Variants in NTM observed in about 807,000 individuals in gnomAD.
The protein encoded by NTM is neurotrimin.
In NTM, 13 loss-of-function variants were observed where a neutral mutation model predicts 42.1. The ratio of observed to expected loss-of-function variants is 0.31; its 90% CI spans 0.20 to 0.49. The LOEUF is 0.49. Ranked by LOEUF, NTM falls within the 20% of genes least tolerant of loss-of-function variation. The probability of loss-of-function intolerance (pLI) is 0.99; values close to 1 mark genes in which losing one functional copy is unlikely to be tolerated. For synonymous variants in NTM, 187 were observed against 179.2 expected, an observed-to-expected ratio of 1.04 and a Z score of -0.35; for missense variants, 373 against 452.8, an observed-to-expected ratio of 0.82 and a Z score of 1.60.
At chr11:131,527,475 A>T (rs566909289) in intron 1 of NTM, among the ~76,000 whole-genome samples, 1 of 152,142 alleles carries the variant, frequency 6.6e-6, no homozygotes, top group South Asian at 2.1e-4. Flanking sequence ...GTTTCCTGGC[A>T]TACTCTTACC....
chr11:131,733,463 TTTC>T (rs2079961977), intron 1 of NTM, among the ~76,000 whole-genome samples: 3 of 112,668 alleles, frequency 2.7e-5, no homozygotes, highest in African/African-American at 1.1e-4. Context: ...TCCTTCCTTC[TTTC>T]CTTCCTTCCT....
intron 1 of NTM, among the ~76,000 whole-genome samples, chr11:131,582,892 G>A (rs1026182569): frequency 2.0e-5 from 3 of 152,056 alleles, no homozygotes; most frequent in African/African-American, 7.3e-5. Context: ...ATCCCGCTCT[G>A]TCTGCCATCC....
At chr11:132,223,654 C>T (rs990440732) in intron 4 of NTM, among the ~76,000 whole-genome samples, 7 of 152,208 alleles carry the variant, frequency 4.6e-5, no homozygotes, top group African/African-American at 1.2e-4. Flanking sequence ...ACCAATTTGC[C>T]TCTCAAATCA....
chr11:131,596,234 G>A (rs1246585033), intron 1 of NTM, among the ~76,000 whole-genome samples: 6 of 152,148 alleles, frequency 3.9e-5, no homozygotes, highest in Non-Finnish European at 8.8e-5. Context: ...TCTTCAGTTC[G>A]ATCTAATGTC....
At chr11:131,550,302 T>C (rs1346199868) in intron 1 of NTM, among the ~76,000 whole-genome samples, 1 of 152,020 alleles carries the variant, frequency 6.6e-6, no homozygotes, top group Non-Finnish European at 1.5e-5. Flanking sequence ...AAAAATTAGC[T>C]GAGTGTGGTG....
At chr11:131,516,508 G>A (rs1381064661) in intron 1 of NTM, among the ~76,000 whole-genome samples, 1 of 152,180 alleles carries the variant, frequency 6.6e-6, no homozygotes, top group African/African-American at 2.4e-5. Context: ...CTCCCAAGTA[G>A]CTGGGAATAC....
intron 1 of NTM, among the ~76,000 whole-genome samples, chr11:131,666,885 T>C (rs888593078): frequency 2.6e-5 from 4 of 152,208 alleles, no homozygotes; most frequent in African/African-American, 7.2e-5. Flanking sequence ...AGCTGAGCTA[T>C]TGATCTGTGG....
At chr11:131,401,240 G>T (rs995106462) in intron 1 of NTM, among the ~76,000 whole-genome samples, 15 of 152,104 alleles carry the variant, frequency 9.9e-5, no homozygotes, top group African/African-American at 3.1e-4. Flanking sequence ...AGGTCATCTA[G>T]CTCATCCCAC....
chr11:131,804,862 A>T (rs1434698106), intron 1 of NTM, among the ~76,000 whole-genome samples: 1 of 152,070 alleles, frequency 6.6e-6, no homozygotes, highest in Non-Finnish European at 1.5e-5. Flanking sequence ...AAAGGGCTGG[A>T]GGGAAGTAGT....
At chr11:132,068,006 C>T (rs144507573) in intron 2 of NTM, among the ~76,000 whole-genome samples, 25 of 152,162 alleles carry the variant, frequency 1.6e-4, no homozygotes, top group Non-Finnish European at 1.5e-5. Flanking sequence ...TATTATTAGA[C>T]AAAAGGGTCC....
At chr11:132,248,303 A>AT (rs1005589423) in intron 4 of NTM, among the ~76,000 whole-genome samples, 3 of 151,846 alleles carry the variant, frequency 2.0e-5, no homozygotes, top group Non-Finnish European at 4.4e-5. Context: ...AACAATGGCA[A>AT]TTTTTTTCCC....
chr11:131,920,052 G>A (rs1037296251), intron 2 of NTM, among the ~76,000 whole-genome samples: 1 of 152,166 alleles, frequency 6.6e-6, no homozygotes, highest in Non-Finnish European at 1.5e-5. Context: ...TTGCATAGCA[G>A]GTTGTGACAG....
intron 2 of NTM, among the ~76,000 whole-genome samples, chr11:131,943,873 T>C (rs2060067595): frequency 6.6e-6 from 1 of 152,084 alleles, no homozygotes; most frequent in Non-Finnish European, 1.5e-5. Flanking sequence ...CGAGTTGCTC[T>C]CTTAGAGCCT....
At chr11:131,439,132 A>T (rs1949390881) in intron 1 of NTM, among the ~76,000 whole-genome samples, 1 of 152,216 alleles carries the variant, frequency 6.6e-6, no homozygotes, top group Admixed American at 6.5e-5. Flanking sequence ...AGAATAGCAG[A>T]TATTGCAGAA....
chr11:132,282,976 CTTTTTTTT>C (rs142817071), intron 4 of NTM, among the ~76,000 whole-genome samples: 16 of 108,996 alleles, frequency 1.5e-4, no homozygotes, highest in Admixed American at 3.5e-4. Context: ...TCCTTTATTC[CTTTTTTTT>C]TTTTTTTTTT....
At chr11:132,007,632 C>T (rs2071107571) in intron 2 of NTM, among the ~76,000 whole-genome samples, 1 of 152,182 alleles carries the variant, frequency 6.6e-6, no homozygotes, top group Admixed American at 6.5e-5. Flanking sequence ...GAGAAGCTTA[C>T]TATTTAAAGA....
At chr11:131,982,089 G>T (rs1247779954) in intron 2 of NTM, among the ~76,000 whole-genome samples, 1 of 151,678 alleles carries the variant, frequency 6.6e-6, no homozygotes, top group Admixed American at 6.6e-5. Context: ...AACACTAAAA[G>T]GAAAAAAAAA....
intron 2 of NTM, among the ~76,000 whole-genome samples, chr11:131,971,314 G>A (rs1305054451): frequency 6.6e-6 from 1 of 152,016 alleles, no homozygotes; most frequent in Non-Finnish European, 1.5e-5. Context: ...CATTTCTCTG[G>A]TCACTGGTGT....
chr11:131,660,939 T>C, intron 1 of NTM: 1 of 1,303,546 alleles, frequency 7.7e-7, no homozygotes, highest in Non-Finnish European at 1.0e-6. Flanking sequence ...GTAAGTGACA[T>C]TTCATTCTGC....
Sources: gnomAD v4.1 joint callset for allele counts (sites outside exome capture counted in the v4.1 genomes callset) on GRCh38, gnomAD v4.1.1 for gene constraint, MANE v1.5 for transcripts, NCBI Gene and HGNC (gene_info 2026-07-23, HGNC 2026-07-21) for gene names.